NSG2: variants seen among roughly 807,000 people sequenced by gnomAD.
NSG2 encodes the protein neuronal vesicle trafficking-associated protein 2.
NSG2 carries 4 observed loss-of-function variants against 16.9 expected under a neutral mutation model. The observed-to-expected ratio is 0.24, with a 90% CI of 0.12 to 0.54. The LOEUF (loss-of-function observed/expected upper bound fraction) is 0.54. Among genes scored for constraint, NSG2 ranks in the 20% least tolerant of loss-of-function variants. The pLI, the probability that NSG2 is intolerant of heterozygous loss-of-function variation, is 0.95. For synonymous variants in NSG2, 98 were observed against 88.7 expected, an observed-to-expected ratio of 1.11 and a Z score of -0.59; for missense variants, 179 against 221.1, an observed-to-expected ratio of 0.81 and a Z score of 1.21.
At chr5:174,056,654 T>C (rs1759971658) in intron 2 of NSG2, 1 of 152,242 alleles carries the variant, frequency 6.6e-6, no homozygotes, top group African/African-American at 2.4e-5. Context: ...CAGCCATTTA[T>C]TGTCCTGGCT....
At chr5:174,106,179 T>G (rs760808579) in intron 4 of NSG2, among the ~76,000 whole-genome samples, 1 of 152,192 alleles carries the variant, frequency 6.6e-6, no homozygotes, top group East Asian at 1.9e-4. Flanking sequence ...TTAATAAAAA[T>G]GGTTCATCAG....
intron 2 of NSG2, 94 bp downstream of exon 2, chr5:174,046,978 T>A: frequency 7.8e-7 from 1 of 1,281,500 alleles, no homozygotes; most frequent in Non-Finnish European, 1.1e-6. Context: ...ATCCTTTCAT[T>A]CTCTTATCTG....
intron 2 of NSG2, among the ~76,000 whole-genome samples, chr5:174,058,608 G>A (rs1211080704): frequency 6.6e-6 from 1 of 152,174 alleles, no homozygotes; most frequent in African/African-American, 2.4e-5. Context: ...GGGCTGCTGG[G>A]TGAGCCAGCA....
At chr5:174,061,643 C>T (rs560209799) in intron 2 of NSG2, among the ~76,000 whole-genome samples, 36 of 152,224 alleles carry the variant, frequency 2.4e-4, no homozygotes, top group African/African-American at 7.9e-4. Context: ...GTTGCTCTGT[C>T]GCCAGGCTGG....
At chr5:174,075,664 T>G (rs1279713494) in intron 3 of NSG2, among the ~76,000 whole-genome samples, 1 of 152,180 alleles carries the variant, frequency 6.6e-6, no homozygotes, top group East Asian at 1.9e-4. Context: ...GCAATCCCAG[T>G]CACAAGGTGG....
intron 2 of NSG2, among the ~76,000 whole-genome samples, chr5:174,058,984 A>G (rs1402127886): frequency 6.6e-6 from 1 of 152,162 alleles, no homozygotes; most frequent in Non-Finnish European, 1.5e-5. Flanking sequence ...TAAAGGGACT[A>G]TTTTCATTAG....
chr5:174,087,458 C>G (rs1049380105), intron 3 of NSG2, among the ~76,000 whole-genome samples: 2 of 152,032 alleles, frequency 1.3e-5, no homozygotes, highest in African/African-American at 2.4e-5. Context: ...ACAGGCTCTA[C>G]CTTATAGAGT....
chr5:174,072,803 G>A lies in NSG2; in HGVS notation c.213+8488G>A, dbSNP rs971608238. 6.6e-6 allele frequency among the ~76,000 whole-genome samples: 1 copy of A among 152,154 alleles called. No homozygotes were observed. The highest frequency in any genetic ancestry group is 2.4e-5 in the African/African-American group (1 of 41,420). ...GTTTGAGACCAGCCTGGGCAACATG[G>A]CAAAACCCCATCTCTACAAAAAATG... On this transcript the variant is annotated intron_variant, in intron 3 of 4. Coordinates refer to ENST00000303177, the MANE Select transcript of NSG2 (RefSeq NM_015980.5). The surrounding 1 kb of genome is among the most constrained non-coding windows in gnomAD (Gnocchi z 4.0).
At chr5:174,084,890 G>A (rs971673829) in intron 3 of NSG2, among the ~76,000 whole-genome samples, 2 of 152,300 alleles carry the variant, frequency 1.3e-5, no homozygotes, top group East Asian at 3.9e-4. Flanking sequence ...GGCTGGCTGT[G>A]CGTGCACTCC....
chr5:174,074,086 C>G (rs779268860), intron 3 of NSG2, among the ~76,000 whole-genome samples: 7 of 152,134 alleles, frequency 4.6e-5, no homozygotes, highest in Non-Finnish European at 7.4e-5. Context: ...CTCCTCTCCC[C>G]CCAAGAGCTG....
intron 3 of NSG2, among the ~76,000 whole-genome samples, chr5:174,102,941 CTT>C (rs143473714): frequency 0.1 from 11,183 of 111,550 alleles, 428 homozygotes; most frequent in African/African-American, 0.16. Flanking sequence ...ACCACCCTGG[CTT>C]TTTTTTTTTT....
chr5:174,075,750 TA>T (rs1320858634), intron 3 of NSG2, among the ~76,000 whole-genome samples: 1 of 152,222 alleles, frequency 6.6e-6, no homozygotes, highest in African/African-American at 2.4e-5. Flanking sequence ...ATGTGATTCT[TA>T]AAAAATTGAT....
In NSG2 at chr5:174,064,271, A is replaced by G; in HGVS notation, c.169A>G (p.Lys57Glu). Residue 57 changes from lysine (K) to glutamate (E), a missense_variant, in exon 3 of 5, where the codon AAG becomes GAG. Lys to Glu is a moderately conservative substitution (Grantham distance 56). Coordinates refer to ENST00000303177, the MANE Select transcript of NSG2 (RefSeq NM_015980.5). ...KTRTEYQPEQKNKGKFRVPKI... is the reference protein window; with the variant it reads ...KTRTEYQPEQENKGKFRVPKI... ...AAGAACGGAATATCAGCCGGAACAG[A>G]AGAACAAAGGGAAGTTCCGGGTGCC... is the stretch of plus-strand genomic sequence containing the variant. 6.2e-7 allele frequency: 1 copy of G among 1,612,400 alleles called. No individual in the cohort carries two copies.
intron 3 of NSG2, among the ~76,000 whole-genome samples, chr5:174,076,447 G>C: frequency 6.6e-6 from 1 of 151,880 alleles, no homozygotes; most frequent in East Asian, 1.9e-4. Context: ...AAAGAGAGAC[G>C]AAGAGAGAGA....
intron 4 of NSG2, among the ~76,000 whole-genome samples, chr5:174,106,615 G>A (rs1481115870): frequency 2.8e-4 from 25 of 87,848 alleles, no homozygotes; most frequent in African/African-American, 1.0e-3. Context: ...TTTTTTTTGC[G>A]ACGGAGTCTC....
chr5:174,079,259 C>G (rs1426676701), intron 3 of NSG2, among the ~76,000 whole-genome samples: 2 of 149,614 alleles, frequency 1.3e-5, no homozygotes, highest in Non-Finnish European at 3.0e-5. Context: ...CTCTCTCTCT[C>G]TCTCTTTTTT....
chr5:174,068,723 G>A (rs1347403920), intron 3 of NSG2, among the ~76,000 whole-genome samples: 1 of 144,556 alleles, frequency 6.9e-6, no homozygotes, highest in Non-Finnish European at 1.5e-5. Flanking sequence ...CTGGTGTCAT[G>A]GGAATCCTGG....
At chr5:174,049,040 TA>T (rs763585577) in intron 2 of NSG2, among the ~76,000 whole-genome samples, 4 of 151,046 alleles carry the variant, frequency 2.6e-5, no homozygotes, top group East Asian at 3.9e-4. Context: ...AAGTGCCTGG[TA>T]AAAAAAAACC....
chr5:174,091,721 A>G (rs965553548), intron 3 of NSG2, among the ~76,000 whole-genome samples: 3 of 151,472 alleles, frequency 2.0e-5, no homozygotes, highest in African/African-American at 7.3e-5. Flanking sequence ...TGGGACAGGT[A>G]AGCAGGGACC....
Sources: allele counts gnomAD v4.1 joint callset (sites outside exome capture counted in the v4.1 genomes callset), GRCh38; gene constraint gnomAD v4.1.1; non-coding constraint Gnocchi (gnomAD v3.1); transcripts MANE v1.5; gene names NCBI Gene and HGNC (gene_info 2026-07-23, HGNC 2026-07-21).